Variants in PTPRD observed in about 807,000 individuals in gnomAD.
PTPRD encodes the protein protein tyrosine phosphatase receptor type D.
PTPRD carries 34 observed loss-of-function variants against 214.5 expected under a neutral mutation model. That is an observed-to-expected ratio of 0.16 (90% CI 0.12 to 0.21). The LOEUF (loss-of-function observed/expected upper bound fraction) is 0.21. Ranked by LOEUF, PTPRD falls within the 10% of genes least tolerant of loss-of-function variation. The pLI is 1.00. For missense variants in PTPRD, 2,545 were observed against 2,398.7 expected, an observed-to-expected ratio of 1.06 and a Z score of -1.27; for synonymous variants, 1,128 against 845.7, an observed-to-expected ratio of 1.33 and a Z score of -5.79.
At chr9:8,949,581 C>T (rs1423628515) in intron 11 of PTPRD, among the ~76,000 whole-genome samples, 2 of 152,026 alleles carry the variant, frequency 1.3e-5, no homozygotes, top group East Asian at 1.9e-4. Context: ...AAACGTTTTG[C>T]TAATGTGATG....
intron 7 of PTPRD, among the ~76,000 whole-genome samples, chr9:9,640,154 T>G (rs145962992): frequency 2.0e-5 from 3 of 152,186 alleles, no homozygotes; most frequent in African/African-American, 7.2e-5. Flanking sequence ...ATATGTGGTG[T>G]TGGGCAAAAT....
chr9:9,567,535 G>T (rs904622999), intron 8 of PTPRD, among the ~76,000 whole-genome samples: 2 of 151,846 alleles, frequency 1.3e-5, no homozygotes, highest in Non-Finnish European at 2.9e-5. Context: ...ATTATCCCTG[G>T]GGACTTCATT....
At chr9:9,842,073 A>G (rs2058459388) in intron 5 of PTPRD, among the ~76,000 whole-genome samples, 1 of 151,922 alleles carries the variant, frequency 6.6e-6, no homozygotes, top group Non-Finnish European at 1.5e-5. Flanking sequence ...TAGCTAAAGG[A>G]GGATATTTTT....
chr9:10,028,075 A>C (rs1297626858), intron 4 of PTPRD, among the ~76,000 whole-genome samples: 1 of 152,084 alleles, frequency 6.6e-6, no homozygotes, highest in East Asian at 1.9e-4. Flanking sequence ...GTGGGAGGTA[A>C]ATGAATCATG....
intron 8 of PTPRD, among the ~76,000 whole-genome samples, chr9:9,537,673 T>C (rs1298542781): frequency 6.6e-6 from 1 of 151,970 alleles, no homozygotes; most frequent in Non-Finnish European, 1.5e-5. Context: ...GTTGTTTAGA[T>C]ATCACCTAAT....
At chr9:9,692,255 G>T (rs1261293221) in intron 7 of PTPRD, among the ~76,000 whole-genome samples, 3 of 151,968 alleles carry the variant, frequency 2.0e-5, no homozygotes, top group Non-Finnish European at 4.4e-5. Flanking sequence ...ATCATAGTTT[G>T]AGGTCTTAGA....
intron 12 of PTPRD, among the ~76,000 whole-genome samples, chr9:8,671,436 G>C (rs544451550): frequency 6.6e-6 from 1 of 152,028 alleles, no homozygotes; most frequent in African/African-American, 2.4e-5. Flanking sequence ...ATGAAAGTTC[G>C]CCCAGGATAC....
At chr9:10,523,547 G>GA (rs1339262907) in intron 2 of PTPRD, among the ~76,000 whole-genome samples, 1 of 132,736 alleles carries the variant, frequency 7.5e-6, no homozygotes, top group Non-Finnish European at 1.6e-5. Context: ...AGAACTGTAA[G>GA]AAAAAATATC....
chr9:9,572,289 C>A (rs189898681), intron 8 of PTPRD, among the ~76,000 whole-genome samples: 6 of 151,230 alleles, frequency 4.0e-5, no homozygotes, highest in Admixed American at 3.3e-4. Flanking sequence ...ATTTTCAAAC[C>A]CATAATTGAC....
At chr9:9,506,143 C>T (rs1245889765) in intron 8 of PTPRD, among the ~76,000 whole-genome samples, 5 of 151,440 alleles carry the variant, frequency 3.3e-5, no homozygotes, top group African/African-American at 4.8e-5. Context: ...GGTTTGAATA[C>T]ATTTCAAATA....
chr9:8,404,530 T>G lies in PTPRD; in HGVS notation c.4210+7A>C, dbSNP rs2092775563. On this transcript the variant is annotated splice_region_variant and intron_variant, in intron 36 of 45. Coordinates refer to ENST00000381196, the MANE Select transcript of PTPRD (RefSeq NM_002839.4). ...TAAAGGTATCAGTGATGTCTGCATT[T>G]CCTTACCTTCTATAGCTGATAGGAG... 1 of 1,607,316 alleles carries G rather than the reference T, an allele frequency of 6.2e-7. No individual in the cohort carries two copies. The highest frequency in any genetic ancestry group is 8.5e-7 in the Non-Finnish European group (1 of 1,174,806).
At chr9:9,956,263 C>G (rs1172690347) in intron 4 of PTPRD, among the ~76,000 whole-genome samples, 2 of 147,450 alleles carry the variant, frequency 1.4e-5, no homozygotes, top group South Asian at 2.2e-4. Flanking sequence ...TACCTCAGCC[C>G]TGATTAAAGT....
At chr9:9,549,972 AT>A (rs2079791767) in intron 8 of PTPRD, among the ~76,000 whole-genome samples, 1 of 152,042 alleles carries the variant, frequency 6.6e-6, no homozygotes, top group Non-Finnish European at 1.5e-5. Flanking sequence ...AATTGGACTA[AT>A]TTTTAGTGCC....
intron 2 of PTPRD, among the ~76,000 whole-genome samples, chr9:10,453,775 T>C (rs1049891396): frequency 6.6e-6 from 1 of 151,598 alleles, no homozygotes; most frequent in African/African-American, 2.4e-5. Flanking sequence ...TCCCTTCCAA[T>C]GTGGATGTCT....
chr9:10,604,052 C>G (rs1299185206), intron 2 of PTPRD, among the ~76,000 whole-genome samples: 2 of 151,578 alleles, frequency 1.3e-5, no homozygotes, highest in Non-Finnish European at 2.9e-5. Context: ...ACCATAGCTC[C>G]CTATGAAGTT....
At chr9:8,726,041 ACAC>A (rs2098553528) in intron 12 of PTPRD, among the ~76,000 whole-genome samples, 9 of 146,258 alleles carry the variant, frequency 6.2e-5, no homozygotes, top group Non-Finnish European at 1.4e-4. Context: ...ACACACACAC[ACAC>A]ACACACACAC....
At chr9:9,221,377 GC>G (rs1447303212) in intron 9 of PTPRD, among the ~76,000 whole-genome samples, 1 of 152,048 alleles carries the variant, frequency 6.6e-6, no homozygotes, top group African/African-American at 2.4e-5. Context: ...AGGAAAGAAA[GC>G]AAAAGACAAA....
intron 2 of PTPRD, among the ~76,000 whole-genome samples, chr9:10,367,079 T>TTAA (rs1565577900): frequency 7.5e-6 from 1 of 133,180 alleles, no homozygotes; most frequent in African/African-American, 2.8e-5. Context: ...CAGACAAACA[T>TTAA]AAAAAAAAAA....
At chr9:9,779,060 G>C (rs1417641669) in intron 5 of PTPRD, among the ~76,000 whole-genome samples, 1 of 69,316 alleles carries the variant, frequency 1.4e-5, no homozygotes, top group Non-Finnish European at 2.5e-5. Flanking sequence ...ACAGCCATGT[G>C]ATCTTTCATA....
Sources: gnomAD v4.1 joint callset for allele counts (sites outside exome capture counted in the v4.1 genomes callset) on GRCh38, gnomAD v4.1.1 for gene constraint, MANE v1.5 for transcripts, NCBI Gene and HGNC (gene_info 2026-07-23, HGNC 2026-07-21) for gene names.